The following RPAP2 variants were observed in gnomAD, a reference collection of about 807,000 sequenced individuals.
RPAP2 encodes the protein putative RNA polymerase II subunit B1 CTD phosphatase RPAP2.
A neutral mutation model predicts 73.1 loss-of-function variants in RPAP2; 52 were observed. The ratio of observed to expected loss-of-function variants is 0.71; its 90% confidence interval spans 0.57 to 0.90. The LOEUF (loss-of-function observed/expected upper bound fraction) is 0.90, where lower values mean the gene tolerates loss of function less well. RPAP2 is among the 40% of genes least tolerant of loss of function. RPAP2 has a pLI of 0.00. For missense variants in RPAP2, 598 were observed against 701.8 expected, an observed-to-expected ratio of 0.85 and a Z score of 1.67; for synonymous variants, 225 against 242.1, an observed-to-expected ratio of 0.93 and a Z score of 0.65.
chr1:92,331,832 G>T (rs914834075), intron 8 of RPAP2, among the ~76,000 whole-genome samples: 1 of 151,932 alleles, frequency 6.6e-6, no homozygotes, highest in Non-Finnish European at 1.5e-5. Context: ...AGTTGATAAA[G>T]AATTTTCTCA....
chr1:92,342,394 G>A (rs1220642608), intron 10 of RPAP2, among the ~76,000 whole-genome samples: 1 of 152,200 alleles, frequency 6.6e-6, no homozygotes, highest in Non-Finnish European at 1.5e-5. Context: ...CAAGAGTAGA[G>A]AGATATGTGG....
intron 9 of RPAP2, among the ~76,000 whole-genome samples, chr1:92,334,623 G>A (rs1049505953): frequency 6.6e-6 from 1 of 152,022 alleles, no homozygotes; most frequent in Non-Finnish European, 1.5e-5. Context: ...TGAGGCAAGG[G>A]GATCACCTGA....
intron 5 of RPAP2, among the ~76,000 whole-genome samples, chr1:92,306,945 G>A (rs79889666): frequency 0.019 from 2,965 of 152,260 alleles, 49 homozygotes; most frequent in Non-Finnish European, 0.029. Flanking sequence ...GAAAGGAAAT[G>A]AGGGAATGAT....
rs199978294 is a variant in RPAP2, at chr1:92,389,782, A to G, written c.*2771A>G. 6.6e-6 allele frequency: 1 copy of G among 152,210 alleles called. No individual in the cohort carries two copies. Among genetic ancestry groups the G allele is most frequent in the East Asian group, 1.9e-4 (1 of 5,202 alleles). The allele number at this position is 152,210 out of a possible 1,614,324, so 9.4% of individuals were successfully genotyped here. A position where few individuals can be genotyped will look rare whatever the true frequency, so the allele number is the denominator to read the frequency against. On this transcript the variant is annotated 3_prime_UTR_variant, in exon 13 of 13. Coordinates refer to ENST00000610020, the MANE Select transcript of RPAP2 (RefSeq NM_024813.3). ...TCAATAGCCAATTCGATCAAGTGGA[A>G]GAAAGGATATCAGTAACTGAAGATC...
chr1:92,303,901 T>C, intron 3 of RPAP2, 76 bp from the exon 4 acceptor site: 1 of 918,716 alleles, frequency 1.1e-6, no homozygotes, highest in South Asian at 1.7e-5. Context: ...TCAGATAAGA[T>C]TGATGAGGCT....
intron 10 of RPAP2, among the ~76,000 whole-genome samples, chr1:92,340,517 CAG>C (rs1653535008): frequency 6.6e-6 from 1 of 152,192 alleles, no homozygotes. Context: ...ACTTGTAGAA[CAG>C]TGATTCTCAA....
chr1:92,366,420 C>T (rs779314537), intron 11 of RPAP2, among the ~76,000 whole-genome samples: 11 of 152,158 alleles, frequency 7.2e-5, no homozygotes, highest in Non-Finnish European at 1.6e-4. Context: ...TAGCAAAGTA[C>T]CACAAAGTAG....
At chr1:92,361,334 T>G (rs1571125000) in intron 11 of RPAP2, among the ~76,000 whole-genome samples, 2 of 152,138 alleles carry the variant, frequency 1.3e-5, no homozygotes, top group Admixed American at 6.6e-5. Context: ...ATTACTTTTG[T>G]CTTCCTAGTG....
At chr1:92,381,345 T>C (rs1400420026) in intron 12 of RPAP2, among the ~76,000 whole-genome samples, 1 of 152,200 alleles carries the variant, frequency 6.6e-6, no homozygotes, top group Non-Finnish European at 1.5e-5. Context: ...AGTCTGACTT[T>C]GTTGAATCCT....
intron 11 of RPAP2, among the ~76,000 whole-genome samples, chr1:92,372,751 T>G (rs1312628237): frequency 6.6e-6 from 1 of 151,910 alleles, no homozygotes; most frequent in African/African-American, 2.4e-5. Flanking sequence ...CTAAAAAAAT[T>G]TTTTTAAAGT....
At chr1:92,356,585 A>AT (rs57838216) in intron 11 of RPAP2, among the ~76,000 whole-genome samples, 939 of 51,780 alleles carry the variant, frequency 0.018, 8 homozygotes, top group Admixed American at 0.036. Context: ...CTCCTGGCTA[A>AT]TTTTTTTTTT....
rs753282637 is a variant in RPAP2 at position 92,307,219 on chromosome 1, C to T, written c.431C>T (p.Ser144Phe). ...SFCSNFCYQA[S>F]KFFEAQIPKT... ...TGCAGCAATTTTTGTTATCAAGCATCTAAGTTTTTTGAAGCACAAATTCCC... is the reference window on the plus strand; with the variant it reads ...TGCAGCAATTTTTGTTATCAAGCATTTAAGTTTTTTGAAGCACAAATTCCC... Residue 144 changes from serine (S) to phenylalanine (F), a missense_variant, in exon 6 of 13, where the codon TCT (serine) becomes TTT (phenylalanine). Ser to Phe is a radical substitution (Grantham distance 155). This residue lies in a region of RPAP2 where 506 missense variants were observed against 612.8 expected (regional missense o/e 0.83). Transcript: ENST00000610020. 64 of 1,611,972 alleles carry T rather than the reference C, an allele frequency of 4.0e-5. No homozygotes were observed. The highest frequency in any genetic ancestry group is 5.3e-5 in the Non-Finnish European group (63 of 1,179,452).
chr1:92,380,779 C>T lies in RPAP2; in HGVS notation c.1744C>T (p.Arg582Trp), dbSNP rs781733354. The T allele has an allele frequency of 1.5e-5, 24 of 1,605,090 alleles. No individual in the cohort carries two copies. Among genetic ancestry groups the T allele is most frequent in the Middle Eastern group, 3.3e-4 (2 of 6,030 alleles). The change falls in exon 12 of 13, where the codon CGG becomes TGG. Residue 582 changes from arginine to tryptophan, a missense_variant. Physicochemically the swap from Arg to Trp is moderately radical, Grantham distance 101. Transcript: ENST00000610020. ...TTCTCAGGAAGGTATGGTGTTTACA[C>T]GGTTTCTAGACACCCTCCTTGAAGA... ...KHSQEGMVFT[R>W]FLDTLLEELH...
At chr1:92,367,636 A>T (rs775730260) in intron 11 of RPAP2, among the ~76,000 whole-genome samples, 7 of 152,230 alleles carry the variant, frequency 4.6e-5, no homozygotes, top group Non-Finnish European at 1.0e-4. Flanking sequence ...CTACTGCAGC[A>T]GAACTCTGCA....
At chr1:92,384,159 T>C (rs1396892130) in intron 12 of RPAP2, among the ~76,000 whole-genome samples, 2 of 151,292 alleles carry the variant, frequency 1.3e-5, no homozygotes, top group African/African-American at 4.9e-5. Flanking sequence ...GGTTTCACCA[T>C]GTTGGCCAGG....
At chr1:92,344,860 A>T (rs547449477) in intron 10 of RPAP2, among the ~76,000 whole-genome samples, 2 of 152,030 alleles carry the variant, frequency 1.3e-5, no homozygotes, top group African/African-American at 4.8e-5. Context: ...GTCCATTTCA[A>T]ATTTCCTCCT....
intron 11 of RPAP2, among the ~76,000 whole-genome samples, chr1:92,373,118 G>A (rs1308897364): frequency 6.6e-6 from 1 of 152,168 alleles, no homozygotes; most frequent in African/African-American, 2.4e-5. Flanking sequence ...AGATAGACAA[G>A]CAAACAAATA....
In RPAP2 at chr1:92,324,233, G is replaced by A. The variant is rs373657508; in HGVS notation, c.1313G>A (p.Gly438Asp). 34 of 1,613,938 alleles carry A rather than the reference G, an allele frequency of 2.1e-5. No homozygotes were observed. The highest frequency in any genetic ancestry group is 2.8e-5 in the Non-Finnish European group (33 of 1,179,982). The change falls in exon 8 of 13, where the codon GGC (glycine) becomes GAC (aspartate). Residue 438 changes from glycine (G) to aspartate (D), a missense_variant. Gly to Asp is a moderately conservative substitution (Grantham distance 94). Coordinates refer to ENST00000610020, the MANE Select transcript of RPAP2 (RefSeq NM_024813.3). The stretch of plus-strand genomic sequence containing the variant: ...TTGGATGAGTCTTTACCTTTTAGGG[G>A]CTCAGGTACAGCCATTAAACCACTG... ...NSLDESLPFR[G>D]SGTAIKPLPS...
chr1:92,344,213 C>G (rs1653755523), intron 10 of RPAP2, among the ~76,000 whole-genome samples: 1 of 152,120 alleles, frequency 6.6e-6, no homozygotes, highest in South Asian at 2.1e-4. Context: ...AGTTAGAGAT[C>G]AGCCTGGGCA....
Sources: gnomAD v4.1 joint callset for allele counts (sites outside exome capture counted in the v4.1 genomes callset) on GRCh38, gnomAD v4.1.1 for gene constraint, gnomAD v4.1.1 regional missense constraint, MANE v1.5 for transcripts, NCBI Gene and HGNC (gene_info 2026-07-23, HGNC 2026-07-21) for gene names.